The following CCDC3 variants were observed in gnomAD, a reference collection of about 807,000 sequenced individuals.
The protein encoded by CCDC3 is coiled-coil domain containing 3.
CCDC3 carries 24 observed loss-of-function variants against 21.4 expected under a neutral mutation model. That is an observed-to-expected ratio of 1.12 (90% CI 0.81 to 1.58). CCDC3 has a LOEUF of 1.58. Ranked by LOEUF, CCDC3 falls within the 40% of genes most tolerant of loss-of-function variation. CCDC3 has a pLI of 0.00. For missense variants in CCDC3, 425 were observed against 360.9 expected (o/e 1.18, Z -1.44); for synonymous variants, 186 against 166.0 (o/e 1.12, Z -0.93).
intron 3 of CCDC3, among the ~76,000 whole-genome samples, chr10:13,081,756 AAGGTATC>A (rs1564342808): frequency 6.6e-6 from 1 of 152,332 alleles, no homozygotes; most frequent in East Asian, 1.9e-4. Context: ...CAATTGAGAC[AAGGTATC>A]AGGATGTAAA....
At chr10:13,082,621 G>T (rs550758115) in intron 3 of CCDC3, among the ~76,000 whole-genome samples, 1 of 152,268 alleles carries the variant, frequency 6.6e-6, no homozygotes, top group African/African-American at 2.4e-5. Context: ...AGTAACGGGT[G>T]CCTTCCCTAG....
intron 3 of CCDC3, among the ~76,000 whole-genome samples, chr10:13,085,897 C>G (rs1197377429): frequency 1.3e-5 from 2 of 151,128 alleles, no homozygotes; most frequent in Admixed American, 6.6e-5. Context: ...AATCCGGGAG[C>G]TGGGGGTTGC....
chr10:13,012,266 T>C (rs1447242495), intron 5 of CCDC3, among the ~76,000 whole-genome samples: 5 of 151,970 alleles, frequency 3.3e-5, no homozygotes, highest in African/African-American at 4.8e-5. Flanking sequence ...AACCTACAGA[T>C]TGGGAGAAAA....
intron 2 of CCDC3, among the ~76,000 whole-genome samples, chr10:12,929,261 CAAAAAAAA>C (rs10609537): frequency 1.9e-5 from 2 of 104,584 alleles, no homozygotes; most frequent in South Asian, 3.4e-4. Context: ...GATTCCATCT[CAAAAAAAA>C]AAAAAAAAAA....
At chr10:12,964,147 C>T (rs1362402802) in intron 2 of CCDC3, among the ~76,000 whole-genome samples, 1 of 152,020 alleles carries the variant, frequency 6.6e-6, no homozygotes, top group African/African-American at 2.4e-5. Context: ...GTGAAGCAAG[C>T]GGATCACTTG....
At chr10:12,921,278 T>C (rs1834446305) in intron 2 of CCDC3, among the ~76,000 whole-genome samples, 2 of 152,244 alleles carry the variant, frequency 1.3e-5, no homozygotes, top group Admixed American at 6.5e-5. Flanking sequence ...AATTCCATTC[T>C]AGTCTGCAAG....
At chr10:13,040,520 A>G (rs918491877) in intron 5 of CCDC3, among the ~76,000 whole-genome samples, 4 of 152,152 alleles carry the variant, frequency 2.6e-5, no homozygotes, top group African/African-American at 9.7e-5. Context: ...GTAAAACCCC[A>G]TCTCTACCAA....
intron 2 of CCDC3, among the ~76,000 whole-genome samples, chr10:12,943,563 T>C (rs1468251720): frequency 6.6e-6 from 1 of 152,022 alleles, no homozygotes; most frequent in Non-Finnish European, 1.5e-5. Context: ...TCCTCCCTTT[T>C]CTTTGTCGCC....
At position 12,938,562 on chromosome 10, in the gene CCDC3, T is replaced by G. The variant is rs1888662; in HGVS notation, c.550-39883A>C. On this transcript the variant is annotated intron_variant, in intron 2 of 2. Coordinates refer to ENST00000378825, the MANE Select transcript of CCDC3 (RefSeq NM_031455.4). ...TTGCCATGTACTAGCTAGGAGACCA[T>G]AGACAAGTTACTCAATCATTCCATG... 4.6e-3 allele frequency among the ~76,000 whole-genome samples: 698 copies of G among 152,244 alleles called. 9 individuals carry two copies. The highest frequency in any genetic ancestry group is 0.016 in the African/African-American group (659 of 41,552).
chr10:12,966,448 T>G (rs2131261137), intron 2 of CCDC3, among the ~76,000 whole-genome samples: 2 of 152,122 alleles, frequency 1.3e-5, no homozygotes, highest in Middle Eastern at 3.4e-3. Flanking sequence ...CTCACACCCC[T>G]CCGGGAACAG....
chr10:13,098,016 G>T (rs1233779006), intron 3 of CCDC3, among the ~76,000 whole-genome samples: 3 of 152,174 alleles, frequency 2.0e-5, no homozygotes, highest in African/African-American at 7.2e-5. Flanking sequence ...CCATTTTACA[G>T]ATAAAGGGAA....
intron 2 of CCDC3, among the ~76,000 whole-genome samples, chr10:12,941,771 C>T (rs568677263): frequency 2.0e-4 from 31 of 152,206 alleles, no homozygotes; most frequent in Admixed American, 8.5e-4. Flanking sequence ...CAAAATATGC[C>T]GCTTTGGCAT....
Position 12,998,321 on chromosome 10 carries a change from A to T in CCDC3, c.549+17T>A. The T allele has an allele frequency of 6.2e-7, 1 of 1,611,454 alleles. No homozygotes were observed. ...TACTATTGTTTTGCTGTGGCACAGG[A>T]TTTAGCCAATTCTTACCCTACTGTC... On this transcript the variant is annotated intron_variant, in intron 2 of 2. Transcript: ENST00000378825.
upstream of CCDC3, among the ~76,000 whole-genome samples, chr10:13,002,441 A>G (rs1180760350): frequency 6.6e-6 from 1 of 152,142 alleles, no homozygotes; most frequent in Non-Finnish European, 1.5e-5. Context: ...AGGCTGGAGT[A>G]CAGTGGCTCC....
At chr10:12,987,237 T>C (rs1835609203) in intron 2 of CCDC3, among the ~76,000 whole-genome samples, 2 of 152,162 alleles carry the variant, frequency 1.3e-5, no homozygotes. Context: ...GTTAATTGTA[T>C]CTCATCACTT....
intron 2 of CCDC3, among the ~76,000 whole-genome samples, chr10:12,918,937 C>G (rs1282900965): frequency 6.6e-6 from 1 of 152,112 alleles, no homozygotes; most frequent in African/African-American, 2.4e-5. Flanking sequence ...CGCCTGTAGT[C>G]CCAGCTACTC....
intron 3 of CCDC3, among the ~76,000 whole-genome samples, chr10:13,086,741 C>T (rs1200004126): frequency 2.6e-5 from 4 of 152,160 alleles, no homozygotes; most frequent in Admixed American, 6.5e-5. Flanking sequence ...CCCCCGCGCC[C>T]GGCCTCTGTA....
intron 2 of CCDC3, among the ~76,000 whole-genome samples, chr10:12,938,668 G>C (rs1470979050): frequency 6.6e-6 from 1 of 152,206 alleles, no homozygotes. Context: ...TTGGCACACA[G>C]AGCTATTTAT....
Position 13,001,377 on chromosome 10 carries a change from T to C in CCDC3, c.194A>G (p.Gln65Arg). 1 of 1,590,996 alleles carries C rather than the reference T, an allele frequency of 6.3e-7. No homozygotes were observed. The highest frequency in any genetic ancestry group is 8.5e-7 in the Non-Finnish European group (1 of 1,169,874). ...GAGGCCCCCCTGGCCGGCGTGGTAC[T>C]GCCAGGGCAGGTGGTTGTAGAGGCC... ...APGLYNHLPW[Q>R]YHAGQGGLFY... The change falls in exon 1 of 3, where the codon CAG becomes CGG. Residue 65 changes from glutamine (Q) to arginine (R), a missense_variant. Physicochemically the swap from Gln to Arg is conservative, Grantham distance 43. Coordinates refer to ENST00000378825, the MANE Select transcript of CCDC3 (RefSeq NM_031455.4).
Sources: gnomAD v4.1 joint callset for allele counts (sites outside exome capture counted in the v4.1 genomes callset) on GRCh38, gnomAD v4.1.1 for gene constraint, MANE v1.5 for transcripts, NCBI Gene and HGNC (gene_info 2026-07-23, HGNC 2026-07-21) for gene names.